Variants in MFAP3 observed in about 807,000 individuals in gnomAD.
MFAP3 encodes microfibril-associated glycoprotein 3.
MFAP3 carries 8 observed loss-of-function variants against 20.5 expected under a neutral mutation model. The observed-to-expected ratio is 0.39, with a 90% CI of 0.23 to 0.70. The LOEUF (loss-of-function observed/expected upper bound fraction) is 0.70. MFAP3 is among the 30% of genes least tolerant of loss of function. The probability of loss-of-function intolerance (pLI) is 0.44; values close to 1 mark genes in which losing one functional copy is unlikely to be tolerated. For missense variants in MFAP3, 398 were observed against 444.6 expected, an observed-to-expected ratio of 0.90 and a Z score of 0.94; for synonymous variants, 140 against 154.0, an observed-to-expected ratio of 0.91 and a Z score of 0.67.
chr5:154,040,034 C>T (rs1772885183), intron 1 of MFAP3, among the ~76,000 whole-genome samples: 1 of 152,118 alleles, frequency 6.6e-6, no homozygotes, highest in Non-Finnish European at 1.5e-5. Flanking sequence ...GGATCATTTC[C>T]TCTGATTTTC....
rs1173297822 is a variant in MFAP3, at chr5:154,055,415, A to G, written c.*1702A>G. Among the ~76,000 whole-genome samples the G allele has an allele frequency of 6.6e-6, 1 of 152,200 alleles. No individual in the cohort carries two copies. The highest frequency in any genetic ancestry group is 1.5e-5 in the Non-Finnish European group (1 of 68,026). On this transcript the variant is annotated 3_prime_UTR_variant, in exon 3 of 3. Coordinates refer to ENST00000522782, the MANE Select transcript of MFAP3 (RefSeq NM_005927.5). ...GATGGCATCATGGATAAAGATGATA[A>G]TGCTGCCTTTTCTGTCTCTCAGGCT...
chr5:154,052,456 A>G (rs1773220554), intron 2 of MFAP3, among the ~76,000 whole-genome samples: 1 of 152,152 alleles, frequency 6.6e-6, no homozygotes, highest in African/African-American at 2.4e-5. Flanking sequence ...GTTAGAAGAA[A>G]ATAAAAATTA....
intron 1 of MFAP3, 46 bp downstream of exon 1, chr5:154,039,057 G>C (rs536645325): frequency 6.6e-6 from 1 of 152,328 alleles, no homozygotes. Context: ...ACTACTAGGA[G>C]CGCCGAGGCG....
chr5:154,049,447 C>A lies in MFAP3; in HGVS notation c.-166-110C>A. On this transcript the variant is annotated intron_variant, in intron 1 of 2. Coordinates refer to ENST00000522782, the MANE Select transcript of MFAP3 (RefSeq NM_005927.5). ...GGTACTGTTCCATCTAATTACTCCCCAATGTCAGCACCAATTATTCTAATT... is the reference window on the plus strand; with the variant it reads ...GGTACTGTTCCATCTAATTACTCCCAAATGTCAGCACCAATTATTCTAATT... The A allele has an allele frequency of 8.6e-6, 3 of 349,302 alleles. No individual in the cohort carries two copies. In the South Asian group the frequency reaches 1.1e-4, roughly 13 times the overall value. The allele number at this position is 349,302 out of a possible 1,614,324, so 21.6% of individuals were successfully genotyped here.
chr5:154,047,893 C>T (rs895597330), intron 1 of MFAP3, among the ~76,000 whole-genome samples: 18 of 152,132 alleles, frequency 1.2e-4, no homozygotes, highest in African/African-American at 2.9e-4. Flanking sequence ...AGCCTGTCAC[C>T]GTTGAGAACC....
rs377276098 is a variant in MFAP3, at chr5:154,053,221, C to T, written c.597C>T (p.Ala199=). Residue 199 remains alanine (A), a synonymous_variant, in exon 3 of 3, where the codon GCC becomes GCT. Coordinates refer to ENST00000522782, the MANE Select transcript of MFAP3 (RefSeq NM_005927.5). ...RTEGAEKLQK[A]FEIAKRIPII... ...AAGGGGCTGAGAAACTTCAGAAGGC[C>T]TTTGAGATTGCAAAACGTATCCCCA... The T allele has an allele frequency of 1.2e-5, 20 of 1,613,842 alleles. No individual in the cohort carries two copies. The African/African-American group carries it at 2.5e-4, about 20-fold the overall frequency.
chr5:154,044,822 A>T (rs767467965), intron 1 of MFAP3, among the ~76,000 whole-genome samples: 8 of 152,168 alleles, frequency 5.3e-5, no homozygotes, highest in African/African-American at 1.9e-4. Flanking sequence ...CTTTTTGTGA[A>T]CTTAATCTTT....
At chr5:154,040,608 A>G (rs1008817563) in intron 1 of MFAP3, among the ~76,000 whole-genome samples, 2 of 152,254 alleles carry the variant, frequency 1.3e-5, no homozygotes, top group Non-Finnish European at 2.9e-5. Context: ...GGTGATTGTC[A>G]TGCCAGTAAA....
rs1773243905 is a variant in MFAP3 at position 154,053,268 on chromosome 5, T to G, written c.644T>G (p.Leu215Arg). 2 of 1,613,904 alleles carry G rather than the reference T, an allele frequency of 1.2e-6. No individual in the cohort carries two copies. The highest frequency in any genetic ancestry group is 1.7e-6 in the Non-Finnish European group (2 of 1,179,942). The change falls in exon 3 of 3, where the codon CTG (leucine) becomes CGG (arginine). Residue 215 changes from leucine (L) to arginine (R), a missense_variant. By Grantham distance (102) the Leu-to-Arg change is moderately radical (BLOSUM62 -2). Coordinates refer to ENST00000522782, the MANE Select transcript of MFAP3 (RefSeq NM_005927.5). ...RIPIITSAKT[L>R]ELAKVTQFKT... Reference sequence around the variant, plus strand: ...CCCATCATTACCTCAGCCAAAACTCTGGAGCTCGCCAAAGTCACACAATTT... The same window carrying G: ...CCCATCATTACCTCAGCCAAAACTCGGGAGCTCGCCAAAGTCACACAATTT...
At chr5:154,041,471 T>C (rs1772950256) in intron 1 of MFAP3, among the ~76,000 whole-genome samples, 1 of 152,344 alleles carries the variant, frequency 6.6e-6, no homozygotes. Flanking sequence ...GTGATAGAGG[T>C]AAAACTAAAG....
At position 154,054,649 on chromosome 5, in the gene MFAP3, T is replaced by C. The variant is rs565369417; in HGVS notation, c.*936T>C. 10 of 167,212 alleles carry C rather than the reference T, an allele frequency of 6.0e-5. No homozygotes were observed. Among genetic ancestry groups the C allele is most frequent in the African/African-American group, 2.4e-4 (10 of 41,584 alleles). The allele number at this position is 167,212 out of a possible 1,614,324, so 10.4% of individuals were successfully genotyped here. A position where few individuals can be genotyped will look rare whatever the true frequency, so the allele number is the denominator to read the frequency against. ...CTCAGGCTTTCCCTTTTTAAAAGTA[T>C]TGGACTCTACAAATAGGTTCTATAT... is the stretch of plus-strand genomic sequence containing the variant. On this transcript the variant is annotated 3_prime_UTR_variant, in exon 3 of 3. Coordinates refer to ENST00000522782, the MANE Select transcript of MFAP3 (RefSeq NM_005927.5).
chr5:154,047,977 C>A (rs1333123975), intron 1 of MFAP3, among the ~76,000 whole-genome samples: 1 of 152,178 alleles, frequency 6.6e-6, no homozygotes, highest in Non-Finnish European at 1.5e-5. Context: ...AGCTTGGAAA[C>A]TTACATGTCA....
rs557620755 is a variant in MFAP3 at position 154,057,309 on chromosome 5, A to G, written c.*3596A>G. 6.6e-6 allele frequency among the ~76,000 whole-genome samples: 1 copy of G among 152,366 alleles called. No individual in the cohort carries two copies. Among genetic ancestry groups the G allele is most frequent in the Admixed American group, 6.5e-5 (1 of 15,304 alleles). On this transcript the variant is annotated 3_prime_UTR_variant, in exon 3 of 3. Transcript: ENST00000522782. ...CTAACGCATTTCACAAAAGTAAATA[A>G]GTATTTCATATAATTCAGAGGATGT...
rs1013535545 is a variant in MFAP3 at position 154,056,747 on chromosome 5, C to T, written c.*3034C>T. ...TAGACAGGTATTAATTGAGCTGATG[C>T]CCCACTTGAGTTTATAGACTGTTTG... On this transcript the variant is annotated 3_prime_UTR_variant, in exon 3 of 3. Coordinates refer to ENST00000522782, the MANE Select transcript of MFAP3 (RefSeq NM_005927.5). Among the ~76,000 whole-genome samples the T allele has an allele frequency of 6.6e-6, 1 of 152,116 alleles. No individual in the cohort carries two copies. Among genetic ancestry groups the T allele is most frequent in the Non-Finnish European group, 1.5e-5 (1 of 68,004 alleles).
chr5:154,039,047 A>G (rs1239453927), intron 1 of MFAP3, 36 bp downstream of exon 1: 18 of 152,232 alleles, frequency 1.2e-4, no homozygotes. Flanking sequence ...CTGCGAGGGG[A>G]CTACTAGGAG....
At chr5:154,050,871 C>A (rs1475877256) in intron 2 of MFAP3, among the ~76,000 whole-genome samples, 2 of 151,874 alleles carry the variant, frequency 1.3e-5, no homozygotes, top group Non-Finnish European at 2.9e-5. Flanking sequence ...AAGAAATCAC[C>A]ATGAAAAGCC....
chr5:154,042,851 C>T (rs1253710957), intron 1 of MFAP3, among the ~76,000 whole-genome samples: 6 of 151,896 alleles, frequency 4.0e-5, no homozygotes, highest in Non-Finnish European at 1.5e-5. Flanking sequence ...AAAAATACCA[C>T]CTGGGCATCA....
intron 1 of MFAP3, among the ~76,000 whole-genome samples, chr5:154,041,350 A>G (rs1772946436): frequency 6.6e-6 from 1 of 152,266 alleles, no homozygotes. Flanking sequence ...GCTTTCAGCC[A>G]TGGCAGGAAA....
At chr5:154,043,751 T>TTC (rs1773016690) in intron 1 of MFAP3, among the ~76,000 whole-genome samples, 2 of 151,478 alleles carry the variant, frequency 1.3e-5, no homozygotes, top group Admixed American at 1.3e-4. Flanking sequence ...TATTTTTTTT[T>TTC]CCAAATACAA....
Sources: allele counts gnomAD v4.1 joint callset (sites outside exome capture counted in the v4.1 genomes callset), GRCh38; gene constraint gnomAD v4.1.1; transcripts MANE v1.5; gene names NCBI Gene and HGNC (gene_info 2026-07-23, HGNC 2026-07-21).